FCSK: variants seen among roughly 807,000 people sequenced by gnomAD.
The protein encoded by FCSK is fucose kinase.
Under a neutral mutation model 122.5 loss-of-function variants are expected in FCSK, and 123 were observed. That is an observed-to-expected ratio of 1.00 (90% CI 0.87 to 1.17). FCSK has a LOEUF of 1.17. FCSK is among the 50% of genes most tolerant of loss of function. The probability of loss-of-function intolerance (pLI) is 0.00; values close to 1 mark genes in which losing one functional copy is unlikely to be tolerated. For synonymous variants in FCSK, 620 were observed against 625.5 expected (o/e 0.99, Z 0.13); for missense variants, 1,366 against 1,450.4 (o/e 0.94, Z 0.95).
intron 3 of FCSK, 102 bp from the exon 4 acceptor site, chr16:70,465,024 C>G: frequency 6.4e-7 from 1 of 1,565,556 alleles, no homozygotes; most frequent in Non-Finnish European, 8.7e-7. Context: ...CCCTTGGGTA[C>G]CTGAGTGGAT....
chr16:70,466,513 C>T (rs2048422399), intron 5 of FCSK: 2 of 503,852 alleles, frequency 4.0e-6, no homozygotes, highest in South Asian at 5.4e-5. Context: ...GGCAACACAG[C>T]AAGACCCCAT....
At position 70,473,989 on chromosome 16, in the gene FCSK, ACAGT is replaced by A. The variant is rs751158975; in HGVS notation, c.1778-137_1778-134del. Reference sequence around the variant, plus strand: ...CCAGGCAGAGAGCAGGAGTGCAGTTACAGTCAAAGATACATTGTGGGCAAAAGCC... The same window carrying A: ...CCAGGCAGAGAGCAGGAGTGCAGTTACAAAGATACATTGTGGGCAAAAGCC... On this transcript the variant is annotated intron_variant, in intron 15 of 23. Transcript: ENST00000288078. This position sits in a 1 kb window ranked among gnomAD's most constrained non-coding sequence, Gnocchi z 4.9. 60 of 743,984 alleles carry A rather than the reference ACAGT, an allele frequency of 8.1e-5. No homozygotes were observed. Among genetic ancestry groups the A allele is most frequent in the Non-Finnish European group, 1.3e-4 (56 of 446,054 alleles). The allele number at this position is 743,984 out of a possible 1,614,324, so 46.1% of individuals were successfully genotyped here. A position where few individuals can be genotyped will look rare whatever the true frequency, so the allele number is the denominator to read the frequency against.
rs2048945304 is a variant in FCSK, at chr16:70,479,920, T to C, written c.*240T>C. The C allele has an allele frequency of 4.7e-6, 2 of 425,340 alleles. No individual in the cohort carries two copies. Among genetic ancestry groups the C allele is most frequent in the African/African-American group, 4.0e-5 (2 of 50,280 alleles). The allele number at this position is 425,340 out of a possible 1,614,324, so 26.3% of individuals were successfully genotyped here. ...GGACATAGGAAGGTCCCAAGCTTAG[T>C]ATCCCACGTGGCCTTTACAAATCCT... On this transcript the variant is annotated 3_prime_UTR_variant, in exon 24 of 24. Coordinates refer to ENST00000288078, the MANE Select transcript of FCSK (RefSeq NM_145059.3).
Position 70,479,805 on chromosome 16 carries a change from G to A in FCSK, c.*125G>A, listed in dbSNP as rs1163741607. On this transcript the variant is annotated 3_prime_UTR_variant, in exon 24 of 24. Coordinates refer to ENST00000288078, the MANE Select transcript of FCSK (RefSeq NM_145059.3). Reference sequence around the variant, plus strand: ...TGCGAATCTGCTCCCAAAGGAAGCTGACCAGAGCAAGATCTGGGCAAGCAG... The same window carrying A: ...TGCGAATCTGCTCCCAAAGGAAGCTAACCAGAGCAAGATCTGGGCAAGCAG... 3 of 695,538 alleles carry A rather than the reference G, an allele frequency of 4.3e-6. No individual in the cohort carries two copies. The highest frequency in any genetic ancestry group is 7.2e-6 in the Non-Finnish European group (3 of 414,800). 43.1% of individuals were successfully genotyped at this position (695,538 alleles called of 1,614,324 possible). A position where few individuals can be genotyped will look rare whatever the true frequency, so the allele number is the denominator to read the frequency against.
chr16:70,466,869 C>T lies in FCSK; in HGVS notation c.412-13C>T. On this transcript the variant is annotated splice_polypyrimidine_tract_variant and intron_variant, in intron 5 of 23. Transcript: ENST00000288078. ...CCAGGCACCAGCTGTGTTCTGTCTC[C>T]TTCCCCCCACAGCTGGGCCCGGGCT... 6.2e-7 allele frequency: 1 copy of T among 1,611,400 alleles called. No homozygotes were observed. Among genetic ancestry groups the T allele is most frequent in the South Asian group, 1.1e-5 (1 of 90,916 alleles).
chr16:70,464,611 C>T (rs971580904), intron 3 of FCSK, among the ~76,000 whole-genome samples: 1 of 131,536 alleles, frequency 7.6e-6, no homozygotes, highest in Non-Finnish European at 1.5e-5. Flanking sequence ...GAGATCATGC[C>T]ATTGCAGTGA....
Position 70,479,184 on chromosome 16 carries a change from C to G in FCSK, c.2934C>G (p.Ser978Arg). ...EECAEGFRQG[S>R]LPLLGQCLTS... ...CTCCCCTCTGCCCCACCTCAGGAAGCCTGCCTCTGCTGGGCCAGTGCCTGA... is the reference window on the plus strand; with the variant it reads ...CTCCCCTCTGCCCCACCTCAGGAAGGCTGCCTCTGCTGGGCCAGTGCCTGA... The change falls in exon 23 of 24, where the codon AGC (serine) becomes AGG (arginine). Residue 978 changes from serine (S) to arginine (R), a missense_variant. Coordinates refer to ENST00000288078, the MANE Select transcript of FCSK (RefSeq NM_145059.3). 2 of 1,612,674 alleles carry G rather than the reference C, an allele frequency of 1.2e-6. No individual in the cohort carries two copies. Among genetic ancestry groups the G allele is most frequent in the Non-Finnish European group, 1.7e-6 (2 of 1,179,770 alleles).
At chr16:70,470,946 A>T in intron 11 of FCSK, 25 bp from the exon 12 acceptor site, 1 of 1,552,672 alleles carries the variant, frequency 6.4e-7, no homozygotes, top group Non-Finnish European at 8.7e-7. Flanking sequence ...GACCCCCCTC[A>T]TGCTCCTCCT....
chr16:70,475,199 C>A, intron 18 of FCSK, 151 bp from the exon 19 acceptor site: 1 of 1,010,660 alleles, frequency 9.9e-7, no homozygotes, highest in Non-Finnish European at 1.4e-6. Flanking sequence ...AGCCCAGAGG[C>A]CCTTTTGTGG....
At position 70,471,291 on chromosome 16, in the gene FCSK, C is replaced by G. The variant is rs376353924; in HGVS notation, c.1280C>G (p.Thr427Arg). ...GACCTTGTCCTGCAGGGACACCACACGCGGCTACACGGCTCCCCGGGCCAC... is the reference window on the plus strand; with the variant it reads ...GACCTTGTCCTGCAGGGACACCACAGGCGGCTACACGGCTCCCCGGGCCAC... ...LRDLVLQGHH[T>R]RLHGSPGHAF... The change falls in exon 13 of 24, where the codon ACG becomes AGG. Residue 427 changes from threonine to arginine, a missense_variant. Physicochemically the swap from Thr to Arg is moderately conservative, Grantham distance 71 (BLOSUM62 -1). Coordinates refer to ENST00000288078, the MANE Select transcript of FCSK (RefSeq NM_145059.3). 209 of 1,605,394 alleles carry G rather than the reference C, an allele frequency of 1.3e-4. 1 individual carries two copies. In the East Asian group the frequency reaches 3.5e-3, roughly 27 times the overall value.
At chr16:70,475,163 A>C (rs1205186383) in intron 18 of FCSK, 152 bp downstream of exon 18, 3 of 987,828 alleles carry the variant, frequency 3.0e-6, no homozygotes, top group African/African-American at 1.6e-5. Flanking sequence ...GTCAACCTGC[A>C]AAGATGACAC....
chr16:70,466,256 G>T lies in FCSK; in HGVS notation c.410G>T (p.Arg137Leu). 6.2e-7 allele frequency: 1 copy of T among 1,613,806 alleles called. No individual in the cohort carries two copies. Among genetic ancestry groups the T allele is most frequent in the Non-Finnish European group, 8.5e-7 (1 of 1,179,786 alleles). The change falls in exon 5 of 24, where the codon CGG becomes CTG. Residue 137 changes from arginine (R) to leucine (L), a missense_variant and splice_region_variant. Coordinates refer to ENST00000288078, the MANE Select transcript of FCSK (RefSeq NM_145059.3). ...LDCLLDIMTY[R>L]LGPGSPPGVW... ...TGCCTGCTGGACATCATGACCTATC[G>T]GGTGAGGCTGGGTGGTGGCCCGTGG...
At chr16:70,463,829 A>G in intron 3 of FCSK, 55 bp downstream of exon 3, 2 of 1,527,014 alleles carry the variant, frequency 1.3e-6, no homozygotes, top group East Asian at 2.4e-5. Context: ...GAACCAGGTC[A>G]TTTCTGAGAT....
chr16:70,454,719 C>A (rs547153198), intron 1 of FCSK, 89 bp downstream of exon 1: 1 of 152,332 alleles, frequency 6.6e-6, no homozygotes, highest in Admixed American at 6.5e-5. Context: ...CCCTCCCTGA[C>A]TGGGAGCACC....
Position 70,463,249 on chromosome 16 carries a change from A to T in FCSK, c.59A>T (p.Asp20Val). ...TVIILTCQYK[D>V]SVQVFQRELE... ...ATCATCCTGACCTGCCAGTACAAGGACAGTGTCCAGGTCTTTCAGAGAGGT... is the reference window on the plus strand; with the variant it reads ...ATCATCCTGACCTGCCAGTACAAGGTCAGTGTCCAGGTCTTTCAGAGAGGT... Residue 20 changes from aspartate (D) to valine (V), a missense_variant, in exon 2 of 24, where the codon GAC (aspartate) becomes GTC (valine). By Grantham distance (152) the Asp-to-Val change is radical. Transcript: ENST00000288078. 1.2e-6 allele frequency: 2 copies of T among 1,613,932 alleles called. No homozygotes were observed. The highest frequency in any genetic ancestry group is 2.2e-5 in the South Asian group (2 of 91,068).
intron 5 of FCSK, 27 bp downstream of exon 5, chr16:70,466,284 C>T (rs757986601): frequency 6.2e-7 from 1 of 1,612,940 alleles, no homozygotes; most frequent in Admixed American, 1.7e-5. Context: ...GCCCGTGGTG[C>T]CTCGTCCCAG....
intron 10 of FCSK, 117 bp downstream of exon 10, chr16:70,469,440 T>G: frequency 1.1e-6 from 1 of 951,318 alleles, no homozygotes; most frequent in Non-Finnish European, 1.5e-6. Flanking sequence ...TGGGCAGTTC[T>G]CCTGTCCTGT....
Position 70,474,232 on chromosome 16 carries a change from G to C in FCSK, c.1881G>C (p.Gly627=), listed in dbSNP as rs1364224726. The C allele has an allele frequency of 3.7e-6, 6 of 1,605,006 alleles. No individual in the cohort carries two copies. In the East Asian group the frequency reaches 1.3e-4, roughly 36 times the overall value. ...MAEGRGGLRS[G]PAANPEWMRP... is the part of the protein sequence containing the mutation. Reference sequence around the variant, plus strand: ...AGGGCCGTGGGGGCTTGCGGAGCGGGCCAGCTGCCAACCCTGAGTGGATGC... The same window carrying C: ...AGGGCCGTGGGGGCTTGCGGAGCGGCCCAGCTGCCAACCCTGAGTGGATGC... Residue 627 remains glycine, a synonymous_variant, in exon 16 of 24, where the codon GGG becomes GGC. Transcript: ENST00000288078.
In FCSK at chr16:70,466,922, C is replaced by T; in HGVS notation, c.452C>T (p.Thr151Ile). 6.2e-7 allele frequency: 1 copy of T among 1,613,964 alleles called. No individual in the cohort carries two copies. The highest frequency in any genetic ancestry group is 1.1e-5 in the South Asian group (1 of 91,082). ...CCGCCAGGCGTGTGGGTCTGCAGCA[C>T]CGACATGCTGCTGTCTGTTCCTGCA... ...GSPPGVWVCS[T>I]DMLLSVPANP... The change falls in exon 6 of 24, where the codon ACC becomes ATC. Residue 151 changes from threonine (T) to isoleucine (I), a missense_variant. Physicochemically the swap from Thr to Ile is moderately conservative, Grantham distance 89. Coordinates refer to ENST00000288078, the MANE Select transcript of FCSK (RefSeq NM_145059.3).
Sources: gnomAD v4.1 joint callset for allele counts (sites outside exome capture counted in the v4.1 genomes callset) on GRCh38, gnomAD v4.1.1 for gene constraint, Gnocchi (gnomAD v3.1) non-coding constraint, MANE v1.5 for transcripts, NCBI Gene and HGNC (gene_info 2026-07-23, HGNC 2026-07-21) for gene names.